Variants in ANKRD13D observed in about 807,000 individuals in gnomAD.
ANKRD13D encodes ankyrin repeat domain-containing protein 13D.
A neutral mutation model predicts 68.8 loss-of-function variants in ANKRD13D; 24 were observed. The observed-to-expected ratio is 0.35, with a 90% confidence interval of 0.25 to 0.49. The LOEUF (loss-of-function observed/expected upper bound fraction) is 0.49. ANKRD13D is among the 20% of genes least tolerant of loss of function. The pLI is 0.99. For missense variants in ANKRD13D, 735 were observed against 832.1 expected (o/e 0.88, Z 1.44); for synonymous variants, 331 against 336.1 (o/e 0.98, Z 0.16).
chr11:67,299,137 AGGGGTGGGGGGCTG>A lies in ANKRD13D; in HGVS notation c.798+19_798+32del. 1 of 514,562 alleles carries A rather than the reference AGGGGTGGGGGGCTG, an allele frequency of 1.9e-6. No individual in the cohort carries two copies. The highest frequency in any genetic ancestry group is 3.5e-6 in the Non-Finnish European group (1 of 282,042). The allele number at this position is 514,562 out of a possible 1,614,324, so 31.9% of individuals were successfully genotyped here. A position where few individuals can be genotyped will look rare whatever the true frequency, so the allele number is the denominator to read the frequency against. On this transcript the variant is annotated intron_variant, in intron 7 of 14. Coordinates refer to ENST00000511455, the MANE Select transcript of ANKRD13D (RefSeq NM_207354.3). The surrounding 1 kb of genome is among the most constrained non-coding windows in gnomAD (Gnocchi z 6.2). ...CTACGAGGCCAAGGCAGGAGAGGCT[AGGGGTGGGGGGCTG>A]GGGGTAGGAGATGAGGTCCAGGAAC...
chr11:67,301,062 C>T lies in ANKRD13D; in HGVS notation c.1146C>T (p.Asp382=). ...GTGACCAGGTGACCCCCATCATCGACCTAATGGCCATCAGCAACGCTCACT... is the reference window on the plus strand; with the variant it reads ...GTGACCAGGTGACCCCCATCATCGATCTAATGGCCATCAGCAACGCTCACT... ...SLGDQVTPII[D]LMAISNAHFA... The change falls in exon 11 of 15, where the codon GAC becomes GAT. Residue 382 remains aspartate, a synonymous_variant. Coordinates refer to ENST00000511455, the MANE Select transcript of ANKRD13D (RefSeq NM_207354.3). The surrounding 1 kb of genome is among the most constrained non-coding windows in gnomAD (Gnocchi z 4.5). 1 of 1,614,062 alleles carries T rather than the reference C, an allele frequency of 6.2e-7. No homozygotes were observed. The highest frequency in any genetic ancestry group is 1.1e-5 in the South Asian group (1 of 91,086).
chr11:67,290,085 T>C lies in ANKRD13D; in HGVS notation c.98T>C (p.Ile33Thr), dbSNP rs1409335527. The change falls in exon 2 of 15, where the codon ATT (isoleucine) becomes ACT (threonine). Residue 33 changes from isoleucine (I) to threonine (T), a missense_variant. Coordinates refer to ENST00000511455, the MANE Select transcript of ANKRD13D (RefSeq NM_207354.3). ...GTGTCCCGTCTCCCCCAGCACGACA[T>C]TGAACAGGAGGACCCCCGCGGGCGG... ...EAALHSHQHD[I>T]EQEDPRGRTP... 6.5e-7 allele frequency: 1 copy of C among 1,537,096 alleles called. No individual in the cohort carries two copies. The highest frequency in any genetic ancestry group is 1.2e-5 in the South Asian group (1 of 84,056).
chr11:67,290,560 C>T, intron 3 of ANKRD13D, 114 bp downstream of exon 3: 1 of 1,423,196 alleles, frequency 7.0e-7, no homozygotes, highest in South Asian at 1.4e-5. Flanking sequence ...CCTCCTGCCA[C>T]CAGCAAGGAG....
chr11:67,290,643 G>A (rs61891565), intron 3 of ANKRD13D, 197 bp downstream of exon 3: 34,113 of 827,372 alleles, frequency 0.041, 897 homozygotes, highest in Middle Eastern at 0.057. Context: ...GGAGAGACTG[G>A]ACCCTTTGGA....
At position 67,290,110 on chromosome 11, in the gene ANKRD13D, G is replaced by T. The variant is rs1230141316; in HGVS notation, c.123G>T (p.Arg41=). ...TTGAACAGGAGGACCCCCGCGGGCG[G>T]ACCCCACTGGAGCTGGCCGTGTCTC... ...HDIEQEDPRG[R]TPLELAVSLG... The change falls in exon 2 of 15, where the codon CGG becomes CGT. Residue 41 remains arginine (R), a synonymous_variant. Transcript: ENST00000511455. 6.5e-6 allele frequency: 10 copies of T among 1,537,144 alleles called. No individual in the cohort carries two copies. Among genetic ancestry groups the T allele is most frequent in the Non-Finnish European group, 7.8e-6 (9 of 1,146,896 alleles).
chr11:67,290,709 G>A (rs1322792763), intron 3 of ANKRD13D: 5 of 446,368 alleles, frequency 1.1e-5, no homozygotes, highest in Non-Finnish European at 2.0e-5. Context: ...CTGGAGCAGG[G>A]ACTTCAGGTT....
In ANKRD13D at chr11:67,289,409, C is replaced by A. The variant is rs1280902117; in HGVS notation, c.-52C>A. The A allele has an allele frequency of 3.8e-6, 5 of 1,319,488 alleles. No homozygotes were observed. In the African/African-American group the frequency reaches 4.7e-5, roughly 12 times the overall value. 81.7% of individuals were successfully genotyped at this position (1,319,488 alleles called of 1,614,324 possible). On this transcript the variant is annotated 5_prime_UTR_variant, in exon 1 of 15. Coordinates refer to ENST00000511455, the MANE Select transcript of ANKRD13D (RefSeq NM_207354.3). ...CGGCTCGGAGGGGAGGCTAGGGGGC[C>A]GTGCCAGGCCCGAAGCCGAGGCGGG...
At position 67,294,745 on chromosome 11, in the gene ANKRD13D, G is replaced by A. The variant is rs944262828; in HGVS notation, c.731+2565G>A. Among the ~76,000 whole-genome samples the A allele has an allele frequency of 3.9e-5, 6 of 151,944 alleles. No individual in the cohort carries two copies. In the South Asian group the frequency reaches 1.0e-3, roughly 26 times the overall value. ...TAGAGAGACAGGATTTCACCATGTCGGACCAGGCTGGTCTCCAACTCCTGA... is the reference window on the plus strand; with the variant it reads ...TAGAGAGACAGGATTTCACCATGTCAGACCAGGCTGGTCTCCAACTCCTGA... On this transcript the variant is annotated intron_variant, in intron 6 of 14. Transcript: ENST00000511455.
intron 1 of ANKRD13D, chr11:67,289,846 A>C: frequency 7.0e-7 from 1 of 1,422,968 alleles, no homozygotes; most frequent in South Asian, 1.5e-5. Context: ...CAAACTCCTG[A>C]CAACCTGCAG....
chr11:67,289,962 C>G, intron 1 of ANKRD13D, 116 bp from the exon 2 acceptor site: 1 of 1,459,822 alleles, frequency 6.9e-7, no homozygotes, highest in Non-Finnish European at 9.0e-7. Flanking sequence ...CTGCCATCTC[C>G]CTGGTCAGTC....
Position 67,300,966 on chromosome 11 carries a change from C to T in ANKRD13D, c.1074-24C>T. 6.2e-7 allele frequency: 1 copy of T among 1,612,724 alleles called. No individual in the cohort carries two copies. The highest frequency in any genetic ancestry group is 1.7e-5 in the Admixed American group (1 of 59,930). ...GAAGGGCCACCAGCCGTGCCTCACC[C>T]ATGTCCTGTGGTCGGCTGGGCAGGT... On this transcript the variant is annotated intron_variant, in intron 10 of 14. Transcript: ENST00000511455. The surrounding 1 kb of genome is among the most constrained non-coding windows in gnomAD (Gnocchi z 4.3).
rs1466220571 is a variant in ANKRD13D at position 67,292,132 on chromosome 11, C to G, written c.683C>G (p.Ser228Cys). ...GAGCATGTGGCCAGTCGCCTCACCTCTCCTATCGTCTCCACCCACCTGGAC... is the reference window on the plus strand; with the variant it reads ...GAGCATGTGGCCAGTCGCCTCACCTGTCCTATCGTCTCCACCCACCTGGAC... ...SEEHVASRLTSPIVSTHLDTR... is the reference protein window; with the variant it reads ...SEEHVASRLTCPIVSTHLDTR... Residue 228 changes from serine to cysteine, a missense_variant, in exon 6 of 15, where the codon TCT (serine) becomes TGT (cysteine). Coordinates refer to ENST00000511455, the MANE Select transcript of ANKRD13D (RefSeq NM_207354.3). 6.2e-7 allele frequency: 1 copy of G among 1,610,520 alleles called. No homozygotes were observed. The highest frequency in any genetic ancestry group is 8.5e-7 in the Non-Finnish European group (1 of 1,177,202).
Position 67,302,360 on chromosome 11 carries a change from C to T in ANKRD13D, c.*28C>T, listed in dbSNP as rs1374819421. Reference sequence around the variant, plus strand: ...CATAGCCCCGGGAGGGCTGGCCAGGCCACTCCCTGCCCGCTTTTGTAATTT... The same window carrying T: ...CATAGCCCCGGGAGGGCTGGCCAGGTCACTCCCTGCCCGCTTTTGTAATTT... On this transcript the variant is annotated 3_prime_UTR_variant, in exon 15 of 15. Transcript: ENST00000511455. 4.8e-6 allele frequency: 7 copies of T among 1,460,216 alleles called. No homozygotes were observed. The highest frequency in any genetic ancestry group is 2.7e-5 in the Admixed American group (1 of 37,016). 90.5% of individuals were successfully genotyped at this position (1,460,216 alleles called of 1,614,324 possible). A position where few individuals can be genotyped will look rare whatever the true frequency, so the allele number is the denominator to read the frequency against.
chr11:67,297,991 C>G (rs978358751), intron 6 of ANKRD13D: 4 of 151,026 alleles, frequency 2.6e-5, no homozygotes, highest in African/African-American at 9.8e-5. Flanking sequence ...CTTCTAATTT[C>G]ATTCCATTGT....
chr11:67,300,263 C>T lies in ANKRD13D; in HGVS notation c.1073+140C>T. Reference sequence around the variant, plus strand: ...CACTCCTGGAGGGCAGGAGTCATGTCTGCCTTATCCATGGTCCTCAGCCCT... The same window carrying T: ...CACTCCTGGAGGGCAGGAGTCATGTTTGCCTTATCCATGGTCCTCAGCCCT... On this transcript the variant is annotated intron_variant, in intron 10 of 14. Coordinates refer to ENST00000511455, the MANE Select transcript of ANKRD13D (RefSeq NM_207354.3). The surrounding 1 kb of genome is among the most constrained non-coding windows in gnomAD (Gnocchi z 4.3). 2.4e-6 allele frequency: 3 copies of T among 1,250,724 alleles called. No homozygotes were observed. Among genetic ancestry groups the T allele is most frequent in the South Asian group, 3.0e-5 (2 of 67,234 alleles). The allele number at this position is 1,250,724 out of a possible 1,614,324, so 77.5% of individuals were successfully genotyped here.
Position 67,292,152 on chromosome 11 carries a change from C to T in ANKRD13D, c.703C>T (p.Leu235=). ...CACCTCTCCTATCGTCTCCACCCAC[C>T]TGGACACTCGTAATGTGGCCTTTGA... ...RLTSPIVSTH[L]DTRNVAFERN... is the part of the protein sequence containing the mutation. The change falls in exon 6 of 15, where the codon CTG becomes TTG. Residue 235 remains leucine (L), a synonymous_variant. Transcript: ENST00000511455. 1 of 1,604,208 alleles carries T rather than the reference C, an allele frequency of 6.2e-7. No individual in the cohort carries two copies. The highest frequency in any genetic ancestry group is 8.5e-7 in the Non-Finnish European group (1 of 1,172,154).
At chr11:67,292,869 G>C (rs1384978022) in intron 6 of ANKRD13D, among the ~76,000 whole-genome samples, 1 of 152,096 alleles carries the variant, frequency 6.6e-6, no homozygotes, top group Non-Finnish European at 1.5e-5. Flanking sequence ...TGTGTCTGTA[G>C]AATTCCCTGC....
chr11:67,296,953 G>A (rs547524138), intron 6 of ANKRD13D, among the ~76,000 whole-genome samples: 2 of 152,082 alleles, frequency 1.3e-5, no homozygotes, highest in Non-Finnish European at 2.9e-5. Context: ...GCCCACCGTG[G>A]TCAACCTAGC....
intron 6 of ANKRD13D, among the ~76,000 whole-genome samples, chr11:67,296,338 AGTGT>A (rs35848734): frequency 1.5e-4 from 22 of 147,748 alleles, no homozygotes; most frequent in South Asian, 4.3e-4. Context: ...TTTGGGCCTG[AGTGT>A]GTGTGTGTGT....
Sources: gnomAD v4.1 joint callset for allele counts (sites outside exome capture counted in the v4.1 genomes callset) on GRCh38, gnomAD v4.1.1 for gene constraint, Gnocchi (gnomAD v3.1) non-coding constraint, MANE v1.5 for transcripts, NCBI Gene and HGNC (gene_info 2026-07-23, HGNC 2026-07-21) for gene names.